PHACTR1: variants seen among roughly 807,000 people sequenced by gnomAD.
PHACTR1 encodes RPEL repeat containing 1.
PHACTR1 carries 16 observed loss-of-function variants against 69.2 expected under a neutral mutation model. The ratio of observed to expected loss-of-function variants is 0.23; its 90% CI spans 0.16 to 0.35. The LOEUF (loss-of-function observed/expected upper bound fraction) is 0.35, where lower values mean the gene tolerates loss of function less well. Among genes scored for constraint, PHACTR1 ranks in the 10% least tolerant of loss-of-function variants. The pLI is 1.00. For missense variants in PHACTR1, 510 were observed against 734.7 expected (o/e 0.69, Z 3.54); for synonymous variants, 312 against 284.5 (o/e 1.10, Z -0.97).
chr6:13,218,850 AGGAAAGAGAAGAGAAGAGAAGAGAAGAG>A (rs1768107193), intron 8 of PHACTR1, among the ~76,000 whole-genome samples: 1 of 136,508 alleles, frequency 7.3e-6, no homozygotes, highest in South Asian at 2.5e-4. Flanking sequence ...GAGGAGGAGG[AGGAAAGAGAAGAGAAGAGAAGAGAAGAG>A]AAGAGAAGAG....
chr6:12,880,948 A>G (rs1561974362), intron 4 of PHACTR1, among the ~76,000 whole-genome samples: 1 of 152,090 alleles, frequency 6.6e-6, no homozygotes, highest in African/African-American at 2.4e-5. Flanking sequence ...TTTTTAAAAA[A>G]GAAATGAAAT....
chr6:13,200,553 A>G (rs1468267034), intron 7 of PHACTR1, among the ~76,000 whole-genome samples: 6 of 152,200 alleles, frequency 3.9e-5, no homozygotes, highest in African/African-American at 1.4e-4. Context: ...CAGGTGTTCC[A>G]AGGACTCTGC....
At position 13,154,841 on chromosome 6, in the gene PHACTR1, T is replaced by G. The variant is rs536819499; in HGVS notation, c.416-5363T>G. Among the ~76,000 whole-genome samples, 10 of 152,264 alleles carry G rather than the reference T, an allele frequency of 6.6e-5. No individual in the cohort carries two copies. In the South Asian group the frequency reaches 2.1e-3, roughly 32 times the overall value. ...TTAACTTTTCATAATTCCTTCTTTT[T>G]TCTTCCTTTTTCATGTTTGTTCTAC... On this transcript the variant is annotated intron_variant, in intron 5 of 14. Coordinates refer to ENST00000332995, the MANE Select transcript of PHACTR1 (RefSeq NM_030948.6).
chr6:13,074,029 T>C (rs1809988929), intron 5 of PHACTR1, among the ~76,000 whole-genome samples: 1 of 151,966 alleles, frequency 6.6e-6, no homozygotes, highest in Non-Finnish European at 1.5e-5. Context: ...TATGCCACCA[T>C]GCCTGGCTAA....
rs143637975 is a variant in PHACTR1 at position 13,181,587 on chromosome 6, G to A, written c.497-932G>A. 8.0e-3 allele frequency among the ~76,000 whole-genome samples: 1,216 copies of A among 152,300 alleles called. 7 individuals are homozygous for A. The highest frequency in any genetic ancestry group is 0.014 in the Non-Finnish European group (945 of 68,026). ...GTATGGGAGCCTTTGATCCTGCACC[G>A]TGGTCCTTGTTTTGCTGAGCTTTAA... is the stretch of plus-strand genomic sequence containing the variant. On this transcript the variant is annotated intron_variant, in intron 6 of 14. Coordinates refer to ENST00000332995, the MANE Select transcript of PHACTR1 (RefSeq NM_030948.6).
intron 4 of PHACTR1, among the ~76,000 whole-genome samples, chr6:13,010,207 A>G (rs756555746): frequency 6.6e-6 from 1 of 151,920 alleles, no homozygotes; most frequent in Non-Finnish European, 1.5e-5. Context: ...GGCTCACTGC[A>G]ATGTCTGCCT....
intron 4 of PHACTR1, among the ~76,000 whole-genome samples, chr6:12,867,678 C>T (rs1285375597): frequency 6.6e-6 from 1 of 152,192 alleles, no homozygotes; most frequent in Non-Finnish European, 1.5e-5. Context: ...AGCAGCACTT[C>T]ACAAAATACA....
intron 4 of PHACTR1, among the ~76,000 whole-genome samples, chr6:13,047,018 T>A (rs1465461039): frequency 6.6e-6 from 1 of 152,128 alleles, no homozygotes; most frequent in African/African-American, 2.4e-5. Flanking sequence ...AAAGTGACAG[T>A]ACATTTATAA....
At chr6:13,009,832 G>C (rs935673999) in intron 4 of PHACTR1, among the ~76,000 whole-genome samples, 3 of 150,996 alleles carry the variant, frequency 2.0e-5, no homozygotes, top group Admixed American at 1.3e-4. Flanking sequence ...TGAACTCCTA[G>C]TCTGCGAGCT....
chr6:13,173,864 C>T (rs568860141), intron 6 of PHACTR1, among the ~76,000 whole-genome samples: 10 of 152,270 alleles, frequency 6.6e-5, no homozygotes, highest in South Asian at 2.1e-4. Context: ...TGCGCCACAA[C>T]GCCCGGCTAA....
intron 10 of PHACTR1, among the ~76,000 whole-genome samples, chr6:13,251,799 A>G (rs1166189334): frequency 6.6e-6 from 1 of 152,106 alleles, no homozygotes; most frequent in South Asian, 2.1e-4. Context: ...ATTTATATAT[A>G]TAATAAGGGG....
intron 6 of PHACTR1, among the ~76,000 whole-genome samples, chr6:13,168,961 A>C (rs999382328): frequency 6.6e-6 from 1 of 152,172 alleles, no homozygotes; most frequent in Non-Finnish European, 1.5e-5. Flanking sequence ...GCCTCATCAC[A>C]CTGCCTGCAG....
chr6:12,816,945 T>C (rs566425354), intron 4 of PHACTR1, among the ~76,000 whole-genome samples: 2 of 152,262 alleles, frequency 1.3e-5, no homozygotes, highest in East Asian at 3.9e-4. Flanking sequence ...GGAAGGACAC[T>C]CGTAATTTTT....
chr6:12,876,000 A>G (rs1318261140), intron 4 of PHACTR1, among the ~76,000 whole-genome samples: 5 of 152,254 alleles, frequency 3.3e-5, no homozygotes, highest in African/African-American at 1.2e-4. Context: ...AGATGGGGAC[A>G]CTATAATCAG....
chr6:12,955,577 GT>G (rs1412134547), intron 4 of PHACTR1, among the ~76,000 whole-genome samples: 1 of 151,950 alleles, frequency 6.6e-6, no homozygotes. Context: ...CAGGCCAAGG[GT>G]ATATTTTTTA....
At chr6:13,262,721 T>C (rs1776077561) in intron 10 of PHACTR1, among the ~76,000 whole-genome samples, 1 of 152,222 alleles carries the variant, frequency 6.6e-6, no homozygotes, top group Non-Finnish European at 1.5e-5. Flanking sequence ...CAAGCCCATC[T>C]ACACTTCTGG....
intron 4 of PHACTR1, among the ~76,000 whole-genome samples, chr6:12,858,010 G>A (rs13198167): frequency 0.072 from 10,927 of 152,220 alleles, 439 homozygotes; most frequent in Middle Eastern, 0.11. Flanking sequence ...CATTTGAGAG[G>A]TAAAGATTAC....
chr6:12,874,638 T>C (rs115722102), intron 4 of PHACTR1, among the ~76,000 whole-genome samples: 3,749 of 152,256 alleles, frequency 0.025, 156 homozygotes, highest in African/African-American at 0.086. Flanking sequence ...ATCCTCCTCC[T>C]ATCTGCAATT....
At chr6:13,023,252 T>A (rs909552375) in intron 4 of PHACTR1, among the ~76,000 whole-genome samples, 5 of 152,176 alleles carry the variant, frequency 3.3e-5, no homozygotes, top group African/African-American at 4.8e-5. Flanking sequence ...CTGATCTGAA[T>A]TCAGTTTGTG....
Sources: gnomAD v4.1 joint callset for allele counts (sites outside exome capture counted in the v4.1 genomes callset) on GRCh38, gnomAD v4.1.1 for gene constraint, MANE v1.5 for transcripts, NCBI Gene and HGNC (gene_info 2026-07-23, HGNC 2026-07-21) for gene names.